SORCS2: variants seen among roughly 807,000 people sequenced by gnomAD.
The protein encoded by SORCS2 is VPS10 domain-containing receptor SorCS2.
A neutral mutation model predicts 141.6 loss-of-function variants in SORCS2; 100 were observed. The observed-to-expected ratio is 0.71, with a 90% confidence interval of 0.60 to 0.83. The LOEUF (loss-of-function observed/expected upper bound fraction) is 0.83, where lower values mean the gene tolerates loss of function less well. SORCS2 is among the 40% of genes least tolerant of loss of function. The pLI, the probability that SORCS2 is intolerant of heterozygous loss-of-function variation, is 0.00. For synonymous variants in SORCS2, 789 were observed against 676.9 expected, an observed-to-expected ratio of 1.17 and a Z score of -2.57; for missense variants, 1,646 against 1,560.2, an observed-to-expected ratio of 1.05 and a Z score of -0.93.
At chr4:7,485,098 C>T (rs988752921) in intron 2 of SORCS2, among the ~76,000 whole-genome samples, 7 of 152,158 alleles carry the variant, frequency 4.6e-5, no homozygotes, top group African/African-American at 1.7e-4. Context: ...CTGTCCTGTG[C>T]CCACACACCC....
chr4:7,351,707 A>C (rs1038808503), intron 1 of SORCS2, among the ~76,000 whole-genome samples: 1 of 133,536 alleles, frequency 7.5e-6, no homozygotes, highest in Non-Finnish European at 1.6e-5. Flanking sequence ...CCATCCATCC[A>C]TCCTTCTACC....
intron 1 of SORCS2, among the ~76,000 whole-genome samples, chr4:7,290,796 T>TTTCATTCATTCA (rs3031021): frequency 0.018 from 2,754 of 151,350 alleles, 35 homozygotes; most frequent in African/African-American, 0.038. Context: ...GGCTGCATTC[T>TTTCATTCATTCA]TTCATTCATT....
At chr4:7,361,635 C>T (rs896196422) in intron 1 of SORCS2, among the ~76,000 whole-genome samples, 2 of 152,144 alleles carry the variant, frequency 1.3e-5, no homozygotes, top group African/African-American at 4.8e-5. Context: ...GTCTGCTTGC[C>T]TGACTCCAAC....
intron 3 of SORCS2, among the ~76,000 whole-genome samples, chr4:7,618,333 G>T (rs1282714641): frequency 1.3e-5 from 2 of 152,018 alleles, no homozygotes; most frequent in Non-Finnish European, 2.9e-5. Flanking sequence ...CAGCCCCAGG[G>T]CCCAAGCACG....
At chr4:7,509,108 T>C (rs1487385657) in intron 2 of SORCS2, among the ~76,000 whole-genome samples, 3 of 152,114 alleles carry the variant, frequency 2.0e-5, no homozygotes, top group African/African-American at 7.2e-5. Flanking sequence ...CCTGCTTCTG[T>C]ACATAGAACA....
chr4:7,280,210 CCA>C lies in SORCS2; in HGVS notation c.480+87087_480+87088del, dbSNP rs1453145016. 4.6e-5 allele frequency among the ~76,000 whole-genome samples: 7 copies of C among 152,066 alleles called. No individual in the cohort carries two copies. The East Asian group carries it at 1.3e-3, about 29-fold the overall frequency. On this transcript the variant is annotated intron_variant, in intron 1 of 26. Transcript: ENST00000507866. ...TCTACTGCAACTTCATCCCGGGTAC[CCA>C]CAGAGAAACAGGGACTCAACACCCA...
intron 1 of SORCS2, among the ~76,000 whole-genome samples, chr4:7,345,474 C>CT (rs1410773930): frequency 6.6e-6 from 1 of 152,100 alleles, no homozygotes; most frequent in Non-Finnish European, 1.5e-5. Context: ...ACTTGGGGGT[C>CT]TCCTGGCTTC....
At chr4:7,643,665 G>A (rs1720876923) in intron 4 of SORCS2, among the ~76,000 whole-genome samples, 1 of 152,162 alleles carries the variant, frequency 6.6e-6, no homozygotes. Flanking sequence ...GATCACATAT[G>A]ACAAGAAAAA....
At chr4:7,478,554 C>T (rs1287144001) in intron 2 of SORCS2, among the ~76,000 whole-genome samples, 1 of 152,174 alleles carries the variant, frequency 6.6e-6, no homozygotes, top group Non-Finnish European at 1.5e-5. Flanking sequence ...GCTGAGTCTC[C>T]AGAGCTAGGA....
chr4:7,382,498 C>G (rs896997783), intron 1 of SORCS2, among the ~76,000 whole-genome samples: 2 of 152,146 alleles, frequency 1.3e-5, no homozygotes, highest in African/African-American at 4.8e-5. Flanking sequence ...CCAGTCCTCC[C>G]TGCCAGGGAG....
At chr4:7,361,052 C>T (rs865817061) in intron 1 of SORCS2, among the ~76,000 whole-genome samples, 1 of 152,110 alleles carries the variant, frequency 6.6e-6, no homozygotes, top group Non-Finnish European at 1.5e-5. Context: ...CTTTGAGGAA[C>T]CTGTTCTGTT....
intron 5 of SORCS2, 21 bp from the exon 6 acceptor site, chr4:7,661,479 G>A (rs756736624): frequency 3.2e-6 from 5 of 1,551,490 alleles, no homozygotes; most frequent in East Asian, 4.9e-5. Flanking sequence ...CCCGACCCCA[G>A]CCTCAGCTCT....
intron 18 of SORCS2, among the ~76,000 whole-genome samples, chr4:7,723,006 C>T (rs1300140465): frequency 2.6e-5 from 4 of 151,874 alleles, no homozygotes; most frequent in East Asian, 1.9e-4. Flanking sequence ...AGCCATAAAT[C>T]GAAGAAGTTC....
intron 3 of SORCS2, among the ~76,000 whole-genome samples, chr4:7,596,171 G>A (rs1455408451): frequency 6.6e-6 from 1 of 152,170 alleles, no homozygotes; most frequent in African/African-American, 2.4e-5. Context: ...GCAGAAATAA[G>A]TATACGATAG....
rs141504079 is a variant in SORCS2, at chr4:7,235,477, GACTGTGTCTTGACTGTAGGCT to G, written c.480+42354_480+42374del. Among the ~76,000 whole-genome samples the G allele has an allele frequency of 8.7e-3, 1,320 of 152,346 alleles. 25 individuals are homozygous for G. The highest frequency in any genetic ancestry group is 0.031 in the African/African-American group (1,269 of 41,572). ...AATCCTGGTCCCCTTAGCCTTGAGT[GACTGTGTCTTGACTGTAGGCT>G]ACCCAGGTTTCTGCGACTGCAGAGA... is the stretch of plus-strand genomic sequence containing the variant. On this transcript the variant is annotated intron_variant, in intron 1 of 26. Coordinates refer to ENST00000507866, the MANE Select transcript of SORCS2 (RefSeq NM_020777.3).
chr4:7,741,525 T>G lies in SORCS2; in HGVS notation c.*1261T>G. 6.1e-6 allele frequency: 2 copies of G among 328,348 alleles called. No homozygotes were observed. Among genetic ancestry groups the G allele is most frequent in the Non-Finnish European group, 5.5e-6 (1 of 182,882 alleles). 20.3% of individuals were successfully genotyped at this position (328,348 alleles called of 1,614,324 possible). A position where few individuals can be genotyped will look rare whatever the true frequency, so the allele number is the denominator to read the frequency against. On this transcript the variant is annotated 3_prime_UTR_variant, in exon 27 of 27. Transcript: ENST00000507866. ...CCTCCTCCCTCCTCCCCCTCCTCTC[T>G]GGCAGGGATCTCAGATGACCGTGGC...
At chr4:7,682,051 C>A (rs1723556803) in intron 9 of SORCS2, among the ~76,000 whole-genome samples, 1 of 152,192 alleles carries the variant, frequency 6.6e-6, no homozygotes, top group South Asian at 2.1e-4. Context: ...TGGGAGCAAA[C>A]CACTCGGTTG....
Position 7,215,972 on chromosome 4 carries a change from C to T in SORCS2, c.480+22846C>T, listed in dbSNP as rs372082562. Among the ~76,000 whole-genome samples the T allele has an allele frequency of 2.2e-4, 33 of 151,288 alleles. No homozygotes were observed. In the East Asian group the frequency reaches 3.1e-3, roughly 14 times the overall value. Reference sequence around the variant, plus strand: ...CCGGAGCCAGCAGTGGCAACCCGCTCGGGTCCCCTTCCACACTGTGGAAGC... The same window carrying T: ...CCGGAGCCAGCAGTGGCAACCCGCTTGGGTCCCCTTCCACACTGTGGAAGC... On this transcript the variant is annotated intron_variant, in intron 1 of 26. Transcript: ENST00000507866.
chr4:7,232,926 C>T (rs1346463893), intron 1 of SORCS2, among the ~76,000 whole-genome samples: 1 of 152,168 alleles, frequency 6.6e-6, no homozygotes, highest in East Asian at 1.9e-4. Context: ...AGTGTTTGGT[C>T]CCATAGAGAC....
Sources: gnomAD v4.1 joint callset for allele counts (sites outside exome capture counted in the v4.1 genomes callset) on GRCh38, gnomAD v4.1.1 for gene constraint, MANE v1.5 for transcripts, NCBI Gene and HGNC (gene_info 2026-07-23, HGNC 2026-07-21) for gene names.